DENND2B: variants seen among roughly 807,000 people sequenced by gnomAD.
DENND2B encodes the protein DENN domain containing 2B.
DENND2B carries 32 observed loss-of-function variants against 116.0 expected under a neutral mutation model. That is an observed-to-expected ratio of 0.28 (90% CI 0.21 to 0.37). The LOEUF is 0.37. Ranked by LOEUF, DENND2B falls within the 10% of genes least tolerant of loss-of-function variation. The pLI is 1.00. For missense variants in DENND2B, 1,276 were observed against 1,477.7 expected, an observed-to-expected ratio of 0.86 and a Z score of 2.24; for synonymous variants, 588 against 583.9, an observed-to-expected ratio of 1.01 and a Z score of -0.10.
intron 1 of DENND2B, among the ~76,000 whole-genome samples, chr11:8,907,369 T>C (rs1049607409): frequency 3.3e-5 from 5 of 152,214 alleles, no homozygotes; most frequent in Non-Finnish European, 7.3e-5. Flanking sequence ...AGGGGCCTGA[T>C]GGTAGGTCAT....
chr11:8,727,982 C>A (rs61875932), intron 3 of DENND2B, among the ~76,000 whole-genome samples: 2 of 32,460 alleles, frequency 6.2e-5, no homozygotes, highest in African/African-American at 8.9e-5. Flanking sequence ...CACACACACA[C>A]ACACACACAC....
intron 3 of DENND2B, among the ~76,000 whole-genome samples, chr11:8,855,962 ACT>A (rs2063179695): frequency 6.6e-6 from 1 of 152,000 alleles, no homozygotes; most frequent in African/African-American, 2.4e-5. Flanking sequence ...GAATTGGAGA[ACT>A]CTCTCCAATT....
intron 18 of DENND2B, 64 bp from the exon 19 acceptor site, chr11:8,695,613 C>T (rs1194108433): frequency 4.0e-5 from 57 of 1,426,698 alleles, no homozygotes; most frequent in Middle Eastern, 3.5e-4. Flanking sequence ...GAGAGGCCTA[C>T]ATGAAGGGAA....
chr11:8,818,165 G>C (rs901278558), intron 4 of DENND2B, among the ~76,000 whole-genome samples: 1 of 73,392 alleles, frequency 1.4e-5, no homozygotes, highest in Non-Finnish European at 3.3e-5. Flanking sequence ...AGGAGGCTAA[G>C]GTGGGAGAAT....
chr11:8,845,130 T>C (rs1218868791), intron 3 of DENND2B: 1 of 152,210 alleles, frequency 6.6e-6, no homozygotes. Flanking sequence ...GATCAAAACA[T>C]AATTGGTTTA....
At chr11:8,698,285 G>A (rs1238595753) in intron 16 of DENND2B, among the ~76,000 whole-genome samples, 1 of 152,082 alleles carries the variant, frequency 6.6e-6, no homozygotes, top group African/African-American at 2.4e-5. Flanking sequence ...AGTTGGCTTG[G>A]GGCAGGGGGA....
chr11:8,828,291 A>AGAAGTGCCTCTTC (rs1206214264), intron 4 of DENND2B, among the ~76,000 whole-genome samples: 1 of 152,152 alleles, frequency 6.6e-6, no homozygotes, highest in East Asian at 1.9e-4. Context: ...GTGCCTGGAC[A>AGAAGTGCCTCTTC]CAGAGCAGTG....
Position 8,702,135 on chromosome 11 carries a change from A to G in DENND2B, c.2720+437T>C, listed in dbSNP as rs1415603762. Among the ~76,000 whole-genome samples the G allele has an allele frequency of 1.3e-5, 2 of 151,818 alleles. No individual in the cohort carries two copies. The highest frequency in any genetic ancestry group is 2.1e-4 in the South Asian group (1 of 4,800). On this transcript the variant is annotated intron_variant, in intron 14 of 19. Transcript: ENST00000313726. This position sits in a 1 kb window ranked among gnomAD's most constrained non-coding sequence, Gnocchi z 4.6. Reference sequence around the variant, plus strand: ...CGCTGGCTGGCTCAGCATTCCTCACACTGTCCCCGGTCAGTGCTCTTGCCC... The same window carrying G: ...CGCTGGCTGGCTCAGCATTCCTCACGCTGTCCCCGGTCAGTGCTCTTGCCC...
intron 4 of DENND2B, among the ~76,000 whole-genome samples, chr11:8,835,866 A>G (rs929094285): frequency 5.3e-5 from 8 of 152,194 alleles, no homozygotes; most frequent in Non-Finnish European, 1.0e-4. Context: ...ACACGTCTAC[A>G]GAGCCTACGG....
At chr11:8,903,402 G>A (rs1399689422) in intron 1 of DENND2B, among the ~76,000 whole-genome samples, 1 of 147,514 alleles carries the variant, frequency 6.8e-6, no homozygotes, top group Non-Finnish European at 1.5e-5. Context: ...GGGTGACAGA[G>A]TGAGACTGTC....
chr11:8,903,773 C>G (rs1359065701), intron 1 of DENND2B, among the ~76,000 whole-genome samples: 1 of 151,194 alleles, frequency 6.6e-6, no homozygotes, highest in East Asian at 1.9e-4. Flanking sequence ...CCTGTAGTCC[C>G]AGCTACTCGA....
Position 8,698,925 on chromosome 11 carries a change from C to T in DENND2B, c.2940+8G>A. On this transcript the variant is annotated splice_region_variant and intron_variant, in intron 16 of 19. Coordinates refer to ENST00000313726, the MANE Select transcript of DENND2B (RefSeq NM_213618.2). ...GAGCCCAACTCTAGCAAGCACCCAC[C>T]CTCTTACCTGTCGGATGAATCGGTC... 1 of 1,614,120 alleles carries T rather than the reference C, an allele frequency of 6.2e-7. No individual in the cohort carries two copies. The highest frequency in any genetic ancestry group is 2.2e-5 in the East Asian group (1 of 44,884).
chr11:8,861,820 G>A (rs1342859678), intron 2 of DENND2B, among the ~76,000 whole-genome samples: 1 of 152,102 alleles, frequency 6.6e-6, no homozygotes, highest in Non-Finnish European at 1.5e-5. Flanking sequence ...AATGTGGTAT[G>A]TATACACCAT....
chr11:8,852,301 C>A (rs1489293300), intron 3 of DENND2B, among the ~76,000 whole-genome samples: 1 of 152,040 alleles, frequency 6.6e-6, no homozygotes, highest in Admixed American at 6.6e-5. Context: ...AAAGAAGAAT[C>A]AATAAAGAGC....
chr11:8,809,352 T>C (rs1253092955), intron 1 of DENND2B: 1 of 152,146 alleles, frequency 6.6e-6, no homozygotes, highest in African/African-American at 2.4e-5. Context: ...TTCAGAAAGT[T>C]CAAGAAGAAA....
At chr11:8,826,158 T>G (rs1161638073) in intron 4 of DENND2B, among the ~76,000 whole-genome samples, 1 of 152,138 alleles carries the variant, frequency 6.6e-6, no homozygotes, top group African/African-American at 2.4e-5. Context: ...TAAAGAACGC[T>G]CACAGAAAGA....
chr11:8,717,949 T>TCACA, intron 4 of DENND2B, 57 bp from the exon 5 acceptor site: 2 of 1,568,434 alleles, frequency 1.3e-6, no homozygotes, highest in Non-Finnish European at 1.7e-6. Flanking sequence ...ACACACGAAC[T>TCACA]CACACACACA....
At chr11:8,853,434 C>G (rs1273991061) in intron 3 of DENND2B, among the ~76,000 whole-genome samples, 2 of 152,170 alleles carry the variant, frequency 1.3e-5, no homozygotes, top group Non-Finnish European at 2.9e-5. Context: ...CAAGTGAGGA[C>G]ACAGCCAGAA....
intron 4 of DENND2B, among the ~76,000 whole-genome samples, chr11:8,830,509 T>C (rs947373101): frequency 1.3e-5 from 2 of 152,250 alleles, no homozygotes; most frequent in African/African-American, 4.8e-5. Context: ...CTTTATTTAA[T>C]ATTTGCATCA....
Sources: allele counts gnomAD v4.1 joint callset (sites outside exome capture counted in the v4.1 genomes callset), GRCh38; gene constraint gnomAD v4.1.1; non-coding constraint Gnocchi (gnomAD v3.1); transcripts MANE v1.5; gene names NCBI Gene and HGNC (gene_info 2026-07-23, HGNC 2026-07-21).